TCERG1L: variants seen among roughly 807,000 people sequenced by gnomAD.
TCERG1L encodes the protein transcription elongation regulator 1 like, also known as transcription elongation regulator 1-like protein.
In TCERG1L, 37 loss-of-function variants were observed where a neutral mutation model predicts 56.3. The observed-to-expected ratio is 0.66, with a 90% CI of 0.51 to 0.87. The LOEUF (loss-of-function observed/expected upper bound fraction) is 0.87, where lower values mean the gene tolerates loss of function less well. TCERG1L is among the 40% of genes least tolerant of loss of function. The pLI, the probability that TCERG1L is intolerant of heterozygous loss-of-function variation, is 0.00. For missense variants in TCERG1L, 799 were observed against 774.2 expected (o/e 1.03, Z -0.38); for synonymous variants, 324 against 326.3 (o/e 0.99, Z 0.08).
chr10:131,131,937 T>C (rs564427343), intron 8 of TCERG1L, among the ~76,000 whole-genome samples: 192 of 152,310 alleles, frequency 1.3e-3, no homozygotes, highest in Non-Finnish European at 2.0e-3. Context: ...TTCTGCGACA[T>C]AGAAATACAT....
chr10:131,156,117 G>C (rs1170668316), intron 6 of TCERG1L: 2 of 152,156 alleles, frequency 1.3e-5, no homozygotes, highest in Non-Finnish European at 2.9e-5. Flanking sequence ...ATGTGACCGA[G>C]CCCCGCATCT....
chr10:131,290,391 GGAGGCT>G (rs1328931712), intron 3 of TCERG1L, among the ~76,000 whole-genome samples: 1 of 152,160 alleles, frequency 6.6e-6, no homozygotes, highest in East Asian at 1.9e-4. Context: ...CAGCACTTTA[GGAGGCT>G]GAGGCGGGCA....
At chr10:131,224,966 C>A (rs760220710) in intron 4 of TCERG1L, among the ~76,000 whole-genome samples, 2 of 152,290 alleles carry the variant, frequency 1.3e-5, no homozygotes, top group East Asian at 1.9e-4. Flanking sequence ...TCATGACCAT[C>A]GGCCCGCAGT....
At chr10:131,194,023 C>G (rs1312297961) in intron 4 of TCERG1L, among the ~76,000 whole-genome samples, 1 of 152,210 alleles carries the variant, frequency 6.6e-6, no homozygotes, top group African/African-American at 2.4e-5. Context: ...GCCGCATTGG[C>G]CATCTCACGC....
chr10:131,301,139 C>G (rs979632197), intron 3 of TCERG1L, among the ~76,000 whole-genome samples: 25 of 152,124 alleles, frequency 1.6e-4, no homozygotes, highest in African/African-American at 6.0e-4. Flanking sequence ...TTTTACTCAG[C>G]ACTTGCAACT....
chr10:131,238,471 C>G (rs1304144053), intron 4 of TCERG1L, among the ~76,000 whole-genome samples: 1 of 152,142 alleles, frequency 6.6e-6, no homozygotes, highest in East Asian at 1.9e-4. Context: ...GCACTGGGGC[C>G]AGGAGCCACC....
chr10:131,184,648 T>G (rs1845217241), intron 4 of TCERG1L, among the ~76,000 whole-genome samples: 1 of 152,190 alleles, frequency 6.6e-6, no homozygotes, highest in African/African-American at 2.4e-5. Flanking sequence ...TCGGTCACGA[T>G]GGAAACTCTC....
chr10:131,186,650 G>A (rs893832080), intron 4 of TCERG1L, among the ~76,000 whole-genome samples: 5 of 152,212 alleles, frequency 3.3e-5, no homozygotes, highest in Non-Finnish European at 5.9e-5. Flanking sequence ...GGATGCAGGT[G>A]TCTGAGGGCC....
chr10:131,149,574 G>A (rs1445003434), intron 6 of TCERG1L, among the ~76,000 whole-genome samples: 1 of 152,238 alleles, frequency 6.6e-6, no homozygotes, highest in Middle Eastern at 3.2e-3. Context: ...TAAGCCCAGG[G>A]TAGAGACTGA....
intron 3 of TCERG1L, among the ~76,000 whole-genome samples, chr10:131,303,175 G>A (rs1846784725): frequency 6.6e-6 from 1 of 151,960 alleles, no homozygotes; most frequent in Non-Finnish European, 1.5e-5. Context: ...ATGTATTTCT[G>A]GTTCTAGATC....
At chr10:131,293,344 A>G (rs750174293) in intron 3 of TCERG1L, among the ~76,000 whole-genome samples, 4 of 152,176 alleles carry the variant, frequency 2.6e-5, no homozygotes, top group Non-Finnish European at 4.4e-5. Context: ...GTGACAGTGC[A>G]GGAGTATCGC....
intron 8 of TCERG1L, among the ~76,000 whole-genome samples, chr10:131,127,211 A>C (rs1012492672): frequency 6.6e-6 from 1 of 152,214 alleles, no homozygotes; most frequent in African/African-American, 2.4e-5. Context: ...TTGTTAGAGA[A>C]ACAGAACAAA....
rs772533025 is a variant in TCERG1L, at chr10:131,166,900, C to T, written c.857-15G>A. Reference sequence around the variant, plus strand: ...TGTCCTTGTATCTGTTGGGCCAAAGCAGTTGTCATTAACATTTCATTTGTC... The same window carrying T: ...TGTCCTTGTATCTGTTGGGCCAAAGTAGTTGTCATTAACATTTCATTTGTC... On this transcript the variant is annotated splice_polypyrimidine_tract_variant and intron_variant, in intron 4 of 11. Coordinates refer to ENST00000368642, the MANE Select transcript of TCERG1L (RefSeq NM_174937.4). 1 of 1,601,428 alleles carries T rather than the reference C, an allele frequency of 6.2e-7. No homozygotes were observed. The highest frequency in any genetic ancestry group is 8.5e-7 in the Non-Finnish European group (1 of 1,176,542).
chr10:131,259,983 A>G (rs1219118948), intron 4 of TCERG1L, among the ~76,000 whole-genome samples: 1 of 152,242 alleles, frequency 6.6e-6, no homozygotes, highest in Non-Finnish European at 1.5e-5. Flanking sequence ...TCCAGTTAGT[A>G]AAGAGAAGTC....
intron 6 of TCERG1L, among the ~76,000 whole-genome samples, chr10:131,159,706 G>A (rs75093765): frequency 1.0e-4 from 14 of 139,420 alleles, no homozygotes; most frequent in Middle Eastern, 3.7e-3. Context: ...CCCCATGGCA[G>A]AGAGCTTTTC....
chr10:131,183,911 A>C (rs1727262894), intron 4 of TCERG1L, among the ~76,000 whole-genome samples: 1 of 152,232 alleles, frequency 6.6e-6, no homozygotes, highest in South Asian at 2.1e-4. Flanking sequence ...ATGCACTTGC[A>C]AAGGCATTGA....
chr10:131,265,124 G>A (rs373465411), intron 3 of TCERG1L, among the ~76,000 whole-genome samples: 4 of 152,016 alleles, frequency 2.6e-5, no homozygotes, highest in African/African-American at 9.7e-5. Flanking sequence ...CTTTCATAAT[G>A]AGTGAAAAAG....
At chr10:131,134,994 A>T (rs989044596) in intron 7 of TCERG1L, among the ~76,000 whole-genome samples, 1 of 152,228 alleles carries the variant, frequency 6.6e-6, no homozygotes, top group Non-Finnish European at 1.5e-5. Context: ...TTTTGAAGAC[A>T]TGATCCCTTA....
chr10:131,222,862 C>T (rs1845749292), intron 4 of TCERG1L, among the ~76,000 whole-genome samples: 1 of 152,188 alleles, frequency 6.6e-6, no homozygotes, highest in African/African-American at 2.4e-5. Context: ...CCCCAGCTGC[C>T]TTCCAATTGG....
Sources: allele counts gnomAD v4.1 joint callset (sites outside exome capture counted in the v4.1 genomes callset), GRCh38; gene constraint gnomAD v4.1.1; transcripts MANE v1.5; gene names NCBI Gene and HGNC (gene_info 2026-07-23, HGNC 2026-07-21).